INPP4B: variants seen among roughly 807,000 people sequenced by gnomAD.
INPP4B encodes inositol polyphosphate 4-phosphatase type II.
A neutral mutation model predicts 122.5 loss-of-function variants in INPP4B; 55 were observed. That is an observed-to-expected ratio of 0.45 (90% CI 0.36 to 0.56). INPP4B has a LOEUF of 0.56. Among genes scored for constraint, INPP4B ranks in the 20% least tolerant of loss-of-function variants. The pLI is 0.00. For missense variants in INPP4B, 1,000 were observed against 1,097.7 expected (o/e 0.91, Z 1.26); for synonymous variants, 403 against 388.7 (o/e 1.04, Z -0.43).
intron 2 of INPP4B, among the ~76,000 whole-genome samples, chr4:142,625,728 A>T (rs1286577624): frequency 6.6e-6 from 1 of 152,210 alleles, no homozygotes. Context: ...CCTGATTTCA[A>T]ACTATACTAC....
intron 7 of INPP4B, among the ~76,000 whole-genome samples, chr4:142,332,578 A>G (rs370443958): frequency 2.6e-4 from 40 of 152,282 alleles, no homozygotes; most frequent in African/African-American, 9.4e-4. Flanking sequence ...TAAACCTTTA[A>G]AAGTAATTTA....
chr4:142,670,908 G>A (rs1756902641), intron 2 of INPP4B, among the ~76,000 whole-genome samples: 1 of 152,010 alleles, frequency 6.6e-6, no homozygotes, highest in African/African-American at 2.4e-5. Flanking sequence ...GCTCTACATG[G>A]TAAGTTCATA....
At chr4:142,383,187 T>A (rs1794797547) in intron 7 of INPP4B, among the ~76,000 whole-genome samples, 1 of 152,172 alleles carries the variant, frequency 6.6e-6, no homozygotes, top group African/African-American at 2.4e-5. Context: ...TACTGAACAC[T>A]GTTACATTTA....
intron 2 of INPP4B, among the ~76,000 whole-genome samples, chr4:142,600,017 T>C (rs1269903917): frequency 6.6e-6 from 1 of 152,102 alleles, no homozygotes; most frequent in Non-Finnish European, 1.5e-5. Context: ...CCTCATGATA[T>C]ATGAGAAACT....
At chr4:142,395,634 T>A (rs1041164217) in intron 7 of INPP4B, among the ~76,000 whole-genome samples, 4 of 152,130 alleles carry the variant, frequency 2.6e-5, no homozygotes, top group African/African-American at 9.7e-5. Context: ...CTATTCACAA[T>A]GGCCAAGATG....
intron 10 of INPP4B, among the ~76,000 whole-genome samples, chr4:142,262,614 T>C (rs1740639201): frequency 6.6e-6 from 1 of 152,126 alleles, no homozygotes; most frequent in African/African-American, 2.4e-5. Context: ...TTTTAATTGT[T>C]TTCTTCCCCT....
chr4:142,121,606 C>G (rs771087140), intron 21 of INPP4B, among the ~76,000 whole-genome samples: 16 of 152,132 alleles, frequency 1.1e-4, no homozygotes, highest in Non-Finnish European at 2.1e-4. Context: ...ATACACTGAC[C>G]TTCGAAGCTA....
intron 2 of INPP4B, among the ~76,000 whole-genome samples, chr4:142,510,432 TAAAG>T (rs1824564562): frequency 6.6e-6 from 1 of 152,206 alleles, no homozygotes; most frequent in South Asian, 2.1e-4. Flanking sequence ...ATAGCAATAA[TAAAG>T]AACAAACATA....
intron 7 of INPP4B, among the ~76,000 whole-genome samples, chr4:142,396,856 A>G (rs1324051752): frequency 6.6e-6 from 1 of 152,196 alleles, no homozygotes; most frequent in East Asian, 1.9e-4. Flanking sequence ...GTGCAAAACT[A>G]TAAGATTTCA....
intron 7 of INPP4B, among the ~76,000 whole-genome samples, chr4:142,349,097 C>G (rs960702510): frequency 6.6e-6 from 1 of 151,960 alleles, no homozygotes; most frequent in African/African-American, 2.4e-5. Context: ...TGTTTAGTAG[C>G]CAAGATCATC....
rs1780638413 is a variant in INPP4B, at chr4:142,347,446, A to C, written c.373-32684T>G. The C allele has an allele frequency of 7.1e-6, 3 of 422,436 alleles. No individual in the cohort carries two copies. In the Admixed American group the frequency reaches 8.4e-5, roughly 12 times the overall value. The allele number at this position is 422,436 out of a possible 1,614,324, so 26.2% of individuals were successfully genotyped here. Reference sequence around the variant, plus strand: ...CTTTATGAAGCACTTGAAGTATTGCATCACAGCTGACACATAAAATGAAGG... The same window carrying C: ...CTTTATGAAGCACTTGAAGTATTGCCTCACAGCTGACACATAAAATGAAGG... On this transcript the variant is annotated intron_variant, in intron 7 of 25. Coordinates refer to ENST00000262992, the MANE Select transcript of INPP4B (RefSeq NM_001101669.3).
intron 2 of INPP4B, among the ~76,000 whole-genome samples, chr4:142,479,208 A>G (rs1010539832): frequency 5.3e-5 from 8 of 152,164 alleles, no homozygotes; most frequent in Admixed American, 5.2e-4. Context: ...CAAACATATG[A>G]AAAAAATGCT....
At chr4:142,614,692 AC>A (rs1743313913) in intron 2 of INPP4B, among the ~76,000 whole-genome samples, 2 of 152,138 alleles carry the variant, frequency 1.3e-5, no homozygotes, top group South Asian at 4.1e-4. Context: ...AAACAGCTCA[AC>A]AAAAAAGAAA....
chr4:142,764,437 T>G (rs72935935), intron 1 of INPP4B, among the ~76,000 whole-genome samples: 1 of 152,042 alleles, frequency 6.6e-6, no homozygotes, highest in Non-Finnish European at 1.5e-5. Flanking sequence ...AGCACCATAC[T>G]GGGCTGACAT....
rs920911094 is a variant in INPP4B, at chr4:142,104,021, C to T, written c.2374+4072G>A. Among the ~76,000 whole-genome samples the T allele has an allele frequency of 2.0e-5, 3 of 152,052 alleles. No homozygotes were observed. The East Asian group carries it at 5.8e-4, about 29-fold the overall frequency. On this transcript the variant is annotated intron_variant, in intron 23 of 25. Transcript: ENST00000262992. ...TGTTTTTCTTTCTTAGCTCACAGTG[C>T]TAGTAAGCTCACTCTTATAGTGCTA... is the stretch of plus-strand genomic sequence containing the variant.
intron 2 of INPP4B, among the ~76,000 whole-genome samples, chr4:142,599,068 A>C (rs531796921): frequency 1.3e-4 from 20 of 152,204 alleles, no homozygotes; most frequent in Admixed American, 7.8e-4. Context: ...GTCAGTAGTG[A>C]CGCCATACCA....
chr4:142,805,352 T>A (rs376379389), intron 1 of INPP4B, among the ~76,000 whole-genome samples: 1 of 152,062 alleles, frequency 6.6e-6, no homozygotes, highest in Non-Finnish European at 1.5e-5. Flanking sequence ...AAAGACATAA[T>A]AAATAGAAAA....
At chr4:142,164,597 T>C (rs1441718011) in intron 16 of INPP4B, among the ~76,000 whole-genome samples, 1 of 151,770 alleles carries the variant, frequency 6.6e-6, no homozygotes, top group Non-Finnish European at 1.5e-5. Flanking sequence ...TCATATATAT[T>C]ATCCATTTGC....
At chr4:142,829,453 G>A (rs1781842632) in intron 1 of INPP4B, among the ~76,000 whole-genome samples, 1 of 152,018 alleles carries the variant, frequency 6.6e-6, no homozygotes. Flanking sequence ...CCCTCTACGT[G>A]GACCTGCTCC....
Sources: gnomAD v4.1 joint callset for allele counts (sites outside exome capture counted in the v4.1 genomes callset) on GRCh38, gnomAD v4.1.1 for gene constraint, MANE v1.5 for transcripts, NCBI Gene and HGNC (gene_info 2026-07-23, HGNC 2026-07-21) for gene names.